KMT5B: variants seen among roughly 807,000 people sequenced by gnomAD.
The protein encoded by KMT5B is histone-lysine N-methyltransferase KMT5B.
In KMT5B, 10 loss-of-function variants were observed where a neutral mutation model predicts 83.2. The observed-to-expected ratio is 0.12, with a 90% confidence interval of 0.07 to 0.20. KMT5B has a LOEUF of 0.20. Among genes scored for constraint, KMT5B ranks in the 10% least tolerant of loss-of-function variants. The probability of loss-of-function intolerance (pLI) is 1.00; values close to 1 mark genes in which losing one functional copy is unlikely to be tolerated. For synonymous variants in KMT5B, 349 were observed against 388.8 expected (o/e 0.90, Z 1.20); for missense variants, 753 against 1,067.2 (o/e 0.71, Z 4.10).
At chr11:68,179,243 T>G (rs1437097659) in intron 4 of KMT5B, among the ~76,000 whole-genome samples, 6 of 114,926 alleles carry the variant, frequency 5.2e-5, no homozygotes, top group Non-Finnish European at 9.1e-5. Context: ...GGGGGGTGGG[T>G]GACAAGGGAG....
At chr11:68,165,768 T>A in intron 10 of KMT5B, 1 of 1,497,822 alleles carries the variant, frequency 6.7e-7, no homozygotes, top group South Asian at 1.4e-5. Flanking sequence ...AGTTAATGAT[T>A]GACTAACTCT....
chr11:68,213,418 G>A (rs1220555727), upstream of KMT5B: 1 of 117,282 alleles, frequency 8.5e-6, no homozygotes, highest in East Asian at 2.7e-4. Flanking sequence ...CCGCGCCCCC[G>A]GCCTCGGCTC....
intron 2 of KMT5B, among the ~76,000 whole-genome samples, chr11:68,188,395 A>C: frequency 6.7e-6 from 1 of 149,134 alleles, no homozygotes; most frequent in Non-Finnish European, 1.5e-5. Flanking sequence ...CCCATGCTGG[A>C]GTGCAGTGGT....
intron 1 of KMT5B, among the ~76,000 whole-genome samples, chr11:68,209,852 C>T (rs1860646858): frequency 6.6e-6 from 1 of 150,738 alleles, no homozygotes; most frequent in South Asian, 2.1e-4. Flanking sequence ...GATCTAGGTA[C>T]TGTTTTCTTT....
chr11:68,204,401 A>G (rs1436798796), intron 1 of KMT5B, among the ~76,000 whole-genome samples: 1 of 152,182 alleles, frequency 6.6e-6, no homozygotes, highest in Non-Finnish European at 1.5e-5. Context: ...ACTTTATAAG[A>G]GGCAGAGGGA....
chr11:68,207,025 G>A (rs1051267881), intron 1 of KMT5B, among the ~76,000 whole-genome samples: 1 of 151,868 alleles, frequency 6.6e-6, no homozygotes, highest in African/African-American at 2.4e-5. Flanking sequence ...GGCGGATCAC[G>A]AGGTCAGGAG....
In KMT5B at chr11:68,176,434, C is replaced by A. The variant is rs558264588; in HGVS notation, c.378-1251G>T. On this transcript the variant is annotated intron_variant, in intron 4 of 10. Coordinates refer to ENST00000304363, the MANE Select transcript of KMT5B (RefSeq NM_017635.5). Reference sequence around the variant, plus strand: ...ATGTCAATTTCATAAAGCTAATTCTCCCAAATAAAGTTTTTATTTTAAAAA... The same window carrying A: ...ATGTCAATTTCATAAAGCTAATTCTACCAAATAAAGTTTTTATTTTAAAAA... The A allele has an allele frequency of 5.9e-5, 9 of 152,276 alleles. No homozygotes were observed. The South Asian group carries it at 1.9e-3, about 32-fold the overall frequency. 9.4% of individuals were successfully genotyped at this position (152,276 alleles called of 1,614,324 possible).
chr11:68,161,087 A>AG (rs1471753654), intron 10 of KMT5B, among the ~76,000 whole-genome samples: 4 of 152,304 alleles, frequency 2.6e-5, no homozygotes, highest in South Asian at 4.1e-4. Context: ...GCTGCTACCA[A>AG]GGTGGCGCCT....
intron 1 of KMT5B, 142 bp from the exon 2 acceptor site, chr11:68,190,294 A>G: frequency 1.9e-6 from 1 of 528,850 alleles, no homozygotes; most frequent in South Asian, 2.8e-5. Flanking sequence ...TCAATGACAG[A>G]CCACATAAAC....
In KMT5B at chr11:68,185,003, C is replaced by T. The variant is rs140828417; in HGVS notation, c.308+778G>A. Among the ~76,000 whole-genome samples, 194 of 152,188 alleles carry T rather than the reference C, an allele frequency of 1.3e-3. 1 individual carries two copies. The highest frequency in any genetic ancestry group is 6.8e-3 in the Middle Eastern group (2 of 294). The stretch of plus-strand genomic sequence containing the variant: ...ATATAAACATGTCTTTAAAACTATT[C>T]GCTCTTAAATAATTAGCTGAATCCC... On this transcript the variant is annotated intron_variant, in intron 3 of 10. Coordinates refer to ENST00000304363, the MANE Select transcript of KMT5B (RefSeq NM_017635.5).
Position 68,189,894 on chromosome 11 carries a change from TGAA to T in KMT5B, c.160+20_160+22del. 2 of 1,596,188 alleles carry T rather than the reference TGAA, an allele frequency of 1.3e-6. No individual in the cohort carries two copies. The highest frequency in any genetic ancestry group is 3.5e-5 in the Admixed American group (2 of 57,204). ...CTACCCCATATCACAATCAGAACATTGAAGGTTTAAGTGTGTACATACATCTGT... is the reference window on the plus strand; with the variant it reads ...CTACCCCATATCACAATCAGAACATTGGTTTAAGTGTGTACATACATCTGT... On this transcript the variant is annotated intron_variant, in intron 2 of 10. Coordinates refer to ENST00000304363, the MANE Select transcript of KMT5B (RefSeq NM_017635.5).
intron 1 of KMT5B, among the ~76,000 whole-genome samples, chr11:68,205,477 C>T (rs1028514039): frequency 4.6e-5 from 7 of 152,132 alleles, no homozygotes; most frequent in African/African-American, 1.7e-4. Context: ...CCATGATCTT[C>T]CTGAATAGCA....
Position 68,159,120 on chromosome 11 carries a change from G to A in KMT5B, c.1226C>T (p.Thr409Met), listed in dbSNP as rs201298002. The change falls in exon 11 of 11, where the codon ACG (threonine) becomes ATG (methionine). Residue 409 changes from threonine (T) to methionine (M), a missense_variant. Coordinates refer to ENST00000304363, the MANE Select transcript of KMT5B (RefSeq NM_017635.5). ...TCTTGACATAGATTGCCTCGTTAAC[G>A]TTCTGCTCTTGCTATTCTTTTTTAC... ...VGVKKNSKSR[T>M]LTRQSMSRIP... 2.3e-5 allele frequency: 37 copies of A among 1,594,714 alleles called. 1 individual carries two copies. Among genetic ancestry groups the A allele is most frequent in the East Asian group, 1.8e-4 (8 of 44,818 alleles).
rs978281066 is a variant in KMT5B at position 68,179,642 on chromosome 11, G to A, written c.377+490C>T. ...CTGGAGGGGTGGGGAACAGGAAGGG[G>A]AACAGAAAAAAGGGAGACAGGGAAG... is the stretch of plus-strand genomic sequence containing the variant. On this transcript the variant is annotated intron_variant, in intron 4 of 10. Coordinates refer to ENST00000304363, the MANE Select transcript of KMT5B (RefSeq NM_017635.5). 1.6e-5 allele frequency: 20 copies of A among 1,214,540 alleles called. No individual in the cohort carries two copies. The Admixed American group carries it at 5.7e-4, about 34-fold the overall frequency. The allele number at this position is 1,214,540 out of a possible 1,614,324, so 75.2% of individuals were successfully genotyped here. A position where few individuals can be genotyped will look rare whatever the true frequency, so the allele number is the denominator to read the frequency against.
chr11:68,193,600 C>T (rs187769117), intron 1 of KMT5B, among the ~76,000 whole-genome samples: 106 of 151,574 alleles, frequency 7.0e-4, no homozygotes, highest in African/African-American at 2.5e-3. Flanking sequence ...TATTTAAATT[C>T]GATTATAGTA....
intron 3 of KMT5B, among the ~76,000 whole-genome samples, chr11:68,183,245 G>T (rs761000747): frequency 5.3e-4 from 80 of 151,712 alleles, no homozygotes; most frequent in Non-Finnish European, 4.0e-4. Context: ...AAAAACACTG[G>T]GGGTGCTACA....
At chr11:68,165,875 G>C in intron 10 of KMT5B, 1 of 1,612,920 alleles carries the variant, frequency 6.2e-7, no homozygotes, top group Non-Finnish European at 8.5e-7. Context: ...ACTCCCAGCA[G>C]CAGGTAGATT....
chr11:68,195,794 T>C (rs1858628223), intron 1 of KMT5B, among the ~76,000 whole-genome samples: 1 of 152,208 alleles, frequency 6.6e-6, no homozygotes, highest in Non-Finnish European at 1.5e-5. Flanking sequence ...TATTTCACAA[T>C]GCATCCCACA....
Position 68,213,242 on chromosome 11 carries a change from G to A in KMT5B, c.-181C>T, listed in dbSNP as rs913779868. 1.8e-4 allele frequency: 26 copies of A among 145,730 alleles called. No individual in the cohort carries two copies. The highest frequency in any genetic ancestry group is 5.9e-4 in the African/African-American group (24 of 40,438). The allele number at this position is 145,730 out of a possible 1,614,324, so 9.0% of individuals were successfully genotyped here. A position where few individuals can be genotyped will look rare whatever the true frequency, so the allele number is the denominator to read the frequency against. On this transcript the variant is annotated 5_prime_UTR_variant, in exon 1 of 11. Coordinates refer to ENST00000304363, the MANE Select transcript of KMT5B (RefSeq NM_017635.5). Reference sequence around the variant, plus strand: ...GGGCCCCGCGTCCCAGTCCCCCCCAGAAAATTAATCACCAAAAATAATTCC... The same window carrying A: ...GGGCCCCGCGTCCCAGTCCCCCCCAAAAAATTAATCACCAAAAATAATTCC...
Sources: allele counts gnomAD v4.1 joint callset (sites outside exome capture counted in the v4.1 genomes callset), GRCh38; gene constraint gnomAD v4.1.1; transcripts MANE v1.5; gene names NCBI Gene and HGNC (gene_info 2026-07-23, HGNC 2026-07-21).